B4GALNT3: variants seen among roughly 807,000 people sequenced by gnomAD.
The protein encoded by B4GALNT3 is beta-1,4-N-acetyl-galactosaminyltransferase 3.
In B4GALNT3, 86 loss-of-function variants were observed where a neutral mutation model predicts 120.2. The ratio of observed to expected loss-of-function variants is 0.72; its 90% confidence interval spans 0.60 to 0.86. The LOEUF (loss-of-function observed/expected upper bound fraction) is 0.86. Among genes scored for constraint, B4GALNT3 ranks in the 40% least tolerant of loss-of-function variants. The probability of loss-of-function intolerance (pLI) is 0.00; values close to 1 mark genes in which losing one functional copy is unlikely to be tolerated. For synonymous variants in B4GALNT3, 518 were observed against 510.4 expected (o/e 1.01, Z -0.20); for missense variants, 1,167 against 1,298.9 (o/e 0.90, Z 1.56).
At chr12:478,024 C>T (rs537039951) in intron 1 of B4GALNT3, among the ~76,000 whole-genome samples, 70 of 152,156 alleles carry the variant, frequency 4.6e-4, no homozygotes, top group African/African-American at 1.6e-3. Context: ...CTGCTGTGGG[C>T]ATATTGCTTG....
intron 15 of B4GALNT3, among the ~76,000 whole-genome samples, chr12:557,368 TCC>T (rs1947169903): frequency 6.6e-6 from 1 of 151,866 alleles, no homozygotes; most frequent in South Asian, 2.1e-4. Context: ...TTCTCGTGGG[TCC>T]CCTGCCTGGG....
chr12:469,941 C>A lies in B4GALNT3; in HGVS notation c.169+9396C>A, dbSNP rs951150901. 7.0e-4 allele frequency among the ~76,000 whole-genome samples: 106 copies of A among 152,228 alleles called. 2 individuals are homozygous for A. The highest frequency in any genetic ancestry group is 1.3e-3 in the Non-Finnish European group (89 of 67,998). On this transcript the variant is annotated intron_variant, in intron 1 of 19. Coordinates refer to ENST00000266383, the MANE Select transcript of B4GALNT3 (RefSeq NM_173593.4). The stretch of plus-strand genomic sequence containing the variant: ...TGCTGAGATTACAGGCATGAGCCAC[C>A]GCGCATGGCCAGTTAATGTACACCG...
intron 1 of B4GALNT3, among the ~76,000 whole-genome samples, chr12:511,526 A>C (rs1245709153): frequency 4.5e-5 from 4 of 89,126 alleles, no homozygotes; most frequent in Admixed American, 1.1e-4. Flanking sequence ...TCCACCTTCC[A>C]CCTTCCACCT....
intron 1 of B4GALNT3, among the ~76,000 whole-genome samples, chr12:501,285 A>T (rs1032754357): frequency 9.9e-5 from 15 of 152,226 alleles, no homozygotes; most frequent in African/African-American, 3.4e-4. Flanking sequence ...GAATACTACT[A>T]CTAAAACTAA....
At chr12:546,101 AGT>A (rs934237258) in intron 6 of B4GALNT3, among the ~76,000 whole-genome samples, 15 of 135,052 alleles carry the variant, frequency 1.1e-4, no homozygotes, top group African/African-American at 3.7e-4. Flanking sequence ...GTTGTGGGAA[AGT>A]GGGGAGTGAG....
chr12:470,381 G>A (rs1482319026), intron 1 of B4GALNT3, among the ~76,000 whole-genome samples: 6 of 152,236 alleles, frequency 3.9e-5, no homozygotes, highest in African/African-American at 1.4e-4. Context: ...CCAAGCCCAG[G>A]TTCAAACGAA....
At position 546,730 on chromosome 12, in the gene B4GALNT3, A is replaced by G. The variant is rs553435115; in HGVS notation, c.707+17A>G. ...GCCGGTGAGGTGAGTGAGGGTCAGG[A>G]CAGGCGCTGTGGGCGCCTCGGTGCC... is the stretch of plus-strand genomic sequence containing the variant. On this transcript the variant is annotated intron_variant, in intron 7 of 19. Transcript: ENST00000266383. 237 of 1,550,590 alleles carry G rather than the reference A, an allele frequency of 1.5e-4. 1 individual carries two copies. In the South Asian group the frequency reaches 2.7e-3, roughly 18 times the overall value.
chr12:530,167 C>T (rs529080542), intron 1 of B4GALNT3, among the ~76,000 whole-genome samples: 54 of 152,358 alleles, frequency 3.5e-4, no homozygotes, highest in African/African-American at 1.3e-3. Context: ...TTGTAAAATG[C>T]CCTGTTGGGC....
chr12:493,283 G>T (rs779835876), intron 1 of B4GALNT3, among the ~76,000 whole-genome samples: 1 of 152,164 alleles, frequency 6.6e-6, no homozygotes, highest in Non-Finnish European at 1.5e-5. Context: ...TACCAAAGAA[G>T]ATATAAACAT....
At chr12:476,568 G>A (rs61916616) in intron 1 of B4GALNT3, among the ~76,000 whole-genome samples, 8,106 of 152,238 alleles carry the variant, frequency 0.053, 323 homozygotes, top group East Asian at 0.2. Flanking sequence ...CTGTGATCAC[G>A]CCACTGCACC....
At chr12:507,169 G>C (rs1486147435) in intron 1 of B4GALNT3, among the ~76,000 whole-genome samples, 4 of 152,104 alleles carry the variant, frequency 2.6e-5, no homozygotes, top group Admixed American at 1.3e-4. Context: ...TCTGTTCCTA[G>C]ACCTCTGTAG....
At chr12:522,857 AACC>A (rs1946723549) in intron 1 of B4GALNT3, among the ~76,000 whole-genome samples, 4 of 148,226 alleles carry the variant, frequency 2.7e-5, no homozygotes, top group African/African-American at 1.0e-4. Flanking sequence ...TGATCGCTTG[AACC>A]TGGGAGGTCA....
intron 9 of B4GALNT3, 143 bp from the exon 10 acceptor site, chr12:549,626 G>C (rs1267069718): frequency 2.8e-6 from 3 of 1,071,154 alleles, no homozygotes; most frequent in Non-Finnish European, 2.7e-6. Context: ...GCGGGGGCCA[G>C]AGGGAGTGTG....
chr12:559,258 C>T (rs758486496), intron 18 of B4GALNT3, 37 bp from the exon 19 acceptor site: 2 of 1,613,090 alleles, frequency 1.2e-6, no homozygotes, highest in Admixed American at 1.7e-5. Flanking sequence ...CTCCTGGCCT[C>T]TGGCTCATCT....
At chr12:462,216 G>C (rs1946028859) in intron 1 of B4GALNT3, among the ~76,000 whole-genome samples, 1 of 152,118 alleles carries the variant, frequency 6.6e-6, no homozygotes, top group African/African-American at 2.4e-5. Flanking sequence ...GTGGGGGCCT[G>C]GGAGGCGACA....
At position 562,923 on chromosome 12, in the gene B4GALNT3, C is replaced by G. The variant is rs1339590702; in HGVS notation, c.*1472C>G. On this transcript the variant is annotated 3_prime_UTR_variant, in exon 20 of 20. Transcript: ENST00000266383. The surrounding 1 kb of genome is among the most constrained non-coding windows in gnomAD (Gnocchi z 5.2). The stretch of plus-strand genomic sequence containing the variant: ...GCCCGCGCTCCAGGCTGTGACGGTC[C>G]AAACCACGGCACTGGAGCTGCAGGG... 6.6e-6 allele frequency: 1 copy of G among 152,304 alleles called. No individual in the cohort carries two copies. Among genetic ancestry groups the G allele is most frequent in the Non-Finnish European group, 1.5e-5 (1 of 68,116 alleles). 9.4% of individuals were successfully genotyped at this position (152,304 alleles called of 1,614,324 possible).
rs1370915687 is a variant in B4GALNT3, at chr12:558,620, T to C, written c.2720T>C (p.Val907Ala). The change falls in exon 18 of 20, where the codon GTG becomes GCG. Residue 907 changes from valine to alanine, a missense_variant. By Grantham distance (64) the Val-to-Ala change is moderately conservative (BLOSUM62 0). Coordinates refer to ENST00000266383, the MANE Select transcript of B4GALNT3 (RefSeq NM_173593.4). ...VEGKMAFAPM[V>A]MRLHCGATPQ... ...GGAAAGATGGCCTTTGCCCCCATGGTGATGAGGCTGCATTGTGGGGCCACC... is the reference window on the plus strand; with the variant it reads ...GGAAAGATGGCCTTTGCCCCCATGGCGATGAGGCTGCATTGTGGGGCCACC... 7 of 1,613,830 alleles carry C rather than the reference T, an allele frequency of 4.3e-6. No homozygotes were observed. The highest frequency in any genetic ancestry group is 1.3e-5 in the African/African-American group (1 of 74,874).
rs933858790 is a variant in B4GALNT3, at chr12:553,404, A to G, written c.1481A>G (p.Asn494Ser). The change falls in exon 14 of 20, where the codon AAC (asparagine) becomes AGC (serine). Residue 494 changes from asparagine (N) to serine (S), a missense_variant. Coordinates refer to ENST00000266383, the MANE Select transcript of B4GALNT3 (RefSeq NM_173593.4). ...EGLLAPFSKRNSTASFPGRTS... is the reference protein window; with the variant it reads ...EGLLAPFSKRSSTASFPGRTS... ...CTGCTGGCCCCCTTCTCCAAGCGGA[A>G]CTCCACAGCGTCCTTCCCAGGGAGG... 1 of 1,613,848 alleles carries G rather than the reference A, an allele frequency of 6.2e-7. No individual in the cohort carries two copies. The highest frequency in any genetic ancestry group is 8.5e-7 in the Non-Finnish European group (1 of 1,180,040).
chr12:536,164 C>T lies in B4GALNT3; in HGVS notation c.274-54C>T, dbSNP rs145854499. On this transcript the variant is annotated intron_variant, in intron 2 of 19. Transcript: ENST00000266383. ...CAGGCACTGTGCCTCCTGTCCTGCC[C>T]GTAGCTTCTCATCCTAATATTCCTA... 2.7e-5 allele frequency: 41 copies of T among 1,498,940 alleles called. No individual in the cohort carries two copies. In the Middle Eastern group the frequency reaches 6.8e-4, roughly 25 times the overall value. 92.9% of individuals were successfully genotyped at this position (1,498,940 alleles called of 1,614,324 possible).
Sources: gnomAD v4.1 joint callset for allele counts (sites outside exome capture counted in the v4.1 genomes callset) on GRCh38, gnomAD v4.1.1 for gene constraint, Gnocchi (gnomAD v3.1) non-coding constraint, MANE v1.5 for transcripts, NCBI Gene and HGNC (gene_info 2026-07-23, HGNC 2026-07-21) for gene names.